The following CNOT1 variants were observed in gnomAD, a reference collection of about 807,000 sequenced individuals.
CNOT1 encodes the protein CCR4-associated factor 1.
CNOT1 carries 15 observed loss-of-function variants against 273.8 expected under a neutral mutation model. The ratio of observed to expected loss-of-function variants is 0.05; its 90% CI spans 0.04 to 0.08. CNOT1 has a LOEUF of 0.08. CNOT1 is among the 10% of genes least tolerant of loss of function. CNOT1 has a pLI of 1.00. For synonymous variants in CNOT1, 1,022 were observed against 1,005.5 expected (o/e 1.02, Z -0.31); for missense variants, 1,644 against 2,912.2 (o/e 0.56, Z 10.02).
chr16:58,574,041 G>A (rs2176833), intron 16 of CNOT1, among the ~76,000 whole-genome samples: 131,525 of 151,864 alleles, frequency 0.87, 57,336 homozygotes, highest in African/African-American at 0.97. Context: ...ACTTGAGCCC[G>A]GGAGTTTGAG....
rs1467215876 is a variant in CNOT1, at chr16:58,614,944, C to A, written c.-175+14784G>T. Among the ~76,000 whole-genome samples the A allele has an allele frequency of 2.6e-4, 32 of 121,832 alleles. 4 individuals are homozygous for A. The highest frequency in any genetic ancestry group is 8.6e-4 in the African/African-American group (31 of 35,956). 79.9% of individuals were successfully genotyped at this position (121,832 alleles called of 152,430 possible). ...CTGGTCTTGGAACGCCTGGCCTCAA[C>A]TGATCTGCCCGCCACGGTCTCCTGA... On this transcript the variant is annotated intron_variant, in intron 1 of 48. Coordinates refer to ENST00000317147, the MANE Select transcript of CNOT1 (RefSeq NM_016284.5).
chr16:58,551,469 T>A (rs567308232), intron 23 of CNOT1, 120 bp downstream of exon 23: 2 of 1,269,698 alleles, frequency 1.6e-6, no homozygotes, highest in African/African-American at 3.0e-5. Flanking sequence ...GGAAGACATG[T>A]CAGTCTTTTA....
intron 1 of CNOT1, among the ~76,000 whole-genome samples, chr16:58,604,865 G>A (rs1314819229): frequency 2.7e-5 from 4 of 149,310 alleles, no homozygotes; most frequent in South Asian, 2.1e-4. Context: ...AGCCGGGTGT[G>A]GTGGCTCATG....
At chr16:58,551,463 G>C (rs1289550973) in intron 23 of CNOT1, 126 bp downstream of exon 23, 2 of 1,260,522 alleles carry the variant, frequency 1.6e-6, no homozygotes, top group Non-Finnish European at 2.2e-6. Context: ...TACAAAGGAA[G>C]ACATGTCAGT....
At chr16:58,624,302 G>A (rs1254689223) in intron 1 of CNOT1, among the ~76,000 whole-genome samples, 1 of 152,168 alleles carries the variant, frequency 6.6e-6, no homozygotes, top group African/African-American at 2.4e-5. Flanking sequence ...CACACATCTG[G>A]TGGTGTGAGA....
intron 1 of CNOT1, among the ~76,000 whole-genome samples, chr16:58,606,842 A>G (rs2042698823): frequency 2.0e-5 from 3 of 152,132 alleles, no homozygotes; most frequent in Admixed American, 2.0e-4. Flanking sequence ...TCATACATGC[A>G]ATATGACACC....
chr16:58,546,227 T>C (rs905079895), intron 29 of CNOT1, 94 bp downstream of exon 29: 17 of 1,095,576 alleles, frequency 1.6e-5, no homozygotes, highest in Admixed American at 4.5e-5. Flanking sequence ...CTACATTATG[T>C]GGGAAATTAT....
intron 18 of CNOT1, among the ~76,000 whole-genome samples, chr16:58,558,234 A>C (rs1479748369): frequency 1.3e-5 from 2 of 152,206 alleles, no homozygotes; most frequent in Admixed American, 6.5e-5. Flanking sequence ...TTAATAAAAA[A>C]TCCTTACTAA....
chr16:58,581,586 A>C, intron 10 of CNOT1, 71 bp from the exon 11 acceptor site: 2 of 1,466,380 alleles, frequency 1.4e-6, no homozygotes, highest in Admixed American at 5.2e-5. Flanking sequence ...CAAAAGGCCA[A>C]ATTAAATCTG....
intron 16 of CNOT1, among the ~76,000 whole-genome samples, chr16:58,570,194 T>A (rs1283775225): frequency 6.6e-6 from 1 of 152,104 alleles, no homozygotes; most frequent in Non-Finnish European, 1.5e-5. Context: ...CAAAAAGAGG[T>A]AATTCATTGC....
chr16:58,562,035 T>C (rs1435126228), intron 16 of CNOT1, among the ~76,000 whole-genome samples: 2 of 151,898 alleles, frequency 1.3e-5, no homozygotes, highest in East Asian at 3.9e-4. Context: ...ACCCCATCTC[T>C]ACTAAAAATA....
In CNOT1 at chr16:58,555,704, GGAT is replaced by G. The variant is rs1199196346; in HGVS notation, c.2604+77_2604+79del. ...CCGCTATATCAGGGCACTTTGAGCT[GGAT>G]TTCTAAAAACATTGAAAAGGACATT... On this transcript the variant is annotated intron_variant, in intron 20 of 48. Transcript: ENST00000317147. 3 of 1,587,186 alleles carry G rather than the reference GGAT, an allele frequency of 1.9e-6. No individual in the cohort carries two copies. In the African/African-American group the frequency reaches 4.1e-5, roughly 21 times the overall value.
In CNOT1 at chr16:58,546,404, C is replaced by T. The variant is rs773922598; in HGVS notation, c.3923G>A (p.Arg1308His). 3.7e-6 allele frequency: 6 copies of T among 1,613,880 alleles called. No homozygotes were observed. Among genetic ancestry groups the T allele is most frequent in the East Asian group, 4.5e-5 (2 of 44,854 alleles). The change falls in exon 29 of 49, where the codon CGC becomes CAC. Residue 1308 changes from arginine (R) to histidine (H), a missense_variant. By Grantham distance (29) the Arg-to-His change is conservative. Around this residue, in one of 13 missense-constraint regions of CNOT1, gnomAD observed 52 missense variants for 50.2 expected, o/e 1.04. Coordinates refer to ENST00000317147, the MANE Select transcript of CNOT1 (RefSeq NM_016284.5). ...KPGNLLKDKDRLKNLDEQLSA... is the reference protein window; with the variant it reads ...KPGNLLKDKDHLKNLDEQLSA... ...GAGTTGCTCATCTAAATTCTTCAGGCGATCTTTATCCTTTAGGAGGTTTCC... is the reference window on the plus strand; with the variant it reads ...GAGTTGCTCATCTAAATTCTTCAGGTGATCTTTATCCTTTAGGAGGTTTCC...
At chr16:58,533,630 G>A (rs1313941777) in intron 40 of CNOT1, among the ~76,000 whole-genome samples, 11 of 144,904 alleles carry the variant, frequency 7.6e-5, no homozygotes, top group Non-Finnish European at 1.5e-4. Context: ...GTGAGACTCC[G>A]TCTCAAAACA....
At position 58,556,970 on chromosome 16, in the gene CNOT1, G is replaced by A; in HGVS notation, c.2356C>T (p.Leu786=). ...LPVGGLGTGS[L]TGIGTGALGL... ...AGAGCACCAGTTCCTATACCAGTCA[G>A]GCTGCCTGTGCCAAGACCACCTACT... The change falls in exon 19 of 49, where the codon CTG becomes TTG. Residue 786 remains leucine (L), a synonymous_variant. Coordinates refer to ENST00000317147, the MANE Select transcript of CNOT1 (RefSeq NM_016284.5). 1 of 1,614,030 alleles carries A rather than the reference G, an allele frequency of 6.2e-7. No homozygotes were observed.
At chr16:58,610,986 G>A (rs1031343570) in intron 1 of CNOT1, among the ~76,000 whole-genome samples, 30 of 152,210 alleles carry the variant, frequency 2.0e-4, no homozygotes, top group South Asian at 1.0e-3. Flanking sequence ...GCAGTGAGCC[G>A]AGAGCACACC....
chr16:58,524,027 C>A (rs1274233353), intron 46 of CNOT1, among the ~76,000 whole-genome samples: 1 of 152,136 alleles, frequency 6.6e-6, no homozygotes, highest in Non-Finnish European at 1.5e-5. Flanking sequence ...GCAAGTGGAT[C>A]ACTTGAGGTC....
At chr16:58,536,718 TATTC>T (rs1370207709) in intron 39 of CNOT1, among the ~76,000 whole-genome samples, 1 of 152,202 alleles carries the variant, frequency 6.6e-6, no homozygotes, top group Non-Finnish European at 1.5e-5. Flanking sequence ...GTAGTTTTAT[TATTC>T]ATTATCTGAC....
Position 58,551,459 on chromosome 16 carries a change from G to A in CNOT1, c.3201+130C>T, listed in dbSNP as rs2040446378. On this transcript the variant is annotated intron_variant, in intron 23 of 48. Coordinates refer to ENST00000317147, the MANE Select transcript of CNOT1 (RefSeq NM_016284.5). ...GAAATATAAGGATGGGAGATACAAA[G>A]GAAGACATGTCAGTCTTTTATATCT... 4 of 1,248,748 alleles carry A rather than the reference G, an allele frequency of 3.2e-6. No homozygotes were observed. In the South Asian group the frequency reaches 5.8e-5, roughly 18 times the overall value. The allele number at this position is 1,248,748 out of a possible 1,614,324, so 77.4% of individuals were successfully genotyped here. A position where few individuals can be genotyped will look rare whatever the true frequency, so the allele number is the denominator to read the frequency against.
Sources: allele counts gnomAD v4.1 joint callset (sites outside exome capture counted in the v4.1 genomes callset), GRCh38; gene constraint gnomAD v4.1.1; regional missense constraint gnomAD v4.1.1; transcripts MANE v1.5; gene names NCBI Gene and HGNC (gene_info 2026-07-23, HGNC 2026-07-21).